The following STAB1 variants were observed in gnomAD, a reference collection of about 807,000 sequenced individuals.
The protein encoded by STAB1 is stabilin-1.
In STAB1, 250 loss-of-function variants were observed where a neutral mutation model predicts 332.4. The ratio of observed to expected loss-of-function variants is 0.75; its 90% CI spans 0.68 to 0.84. The LOEUF (loss-of-function observed/expected upper bound fraction) is 0.84, where lower values mean the gene tolerates loss of function less well. Ranked by LOEUF, STAB1 falls within the 40% of genes least tolerant of loss-of-function variation. The pLI is 0.00. For synonymous variants in STAB1, 1,475 were observed against 1,390.4 expected, an observed-to-expected ratio of 1.06 and a Z score of -1.35; for missense variants, 3,249 against 3,489.7, an observed-to-expected ratio of 0.93 and a Z score of 1.74.
intron 62 of STAB1, 24 bp downstream of exon 62, chr3:52,522,964 A>G (rs2079126788): frequency 6.2e-7 from 1 of 1,606,876 alleles, no homozygotes; most frequent in Non-Finnish European, 8.5e-7. Flanking sequence ...ACCAAACCCT[A>G]CTTCCCCTGC....
At chr3:52,510,969 G>C (rs943185248) in intron 25 of STAB1, among the ~76,000 whole-genome samples, 1 of 152,232 alleles carries the variant, frequency 6.6e-6, no homozygotes, top group Non-Finnish European at 1.5e-5. Context: ...GGCCAGGCCT[G>C]GCTGGTCAGG....
In STAB1 at chr3:52,523,248, C is replaced by T. The variant is rs778702977; in HGVS notation, c.7047C>T (p.Thr2349=). 1.8e-5 allele frequency: 29 copies of T among 1,613,190 alleles called. No homozygotes were observed. Among genetic ancestry groups the T allele is most frequent in the Non-Finnish European group, 2.3e-5 (27 of 1,180,010 alleles). The stretch of plus-strand genomic sequence containing the variant: ...TGCTATTGGGCTATGCCAATGCCAC[C>T]CAGCGGGGTCTCGACTTCCTGGACT... ...YGMLLGYANA[T]QRGLDFLDFL... is the part of the protein sequence containing the mutation. Residue 2349 remains threonine (T), a synonymous_variant, in exon 64 of 69, where the codon ACC becomes ACT. Coordinates refer to ENST00000321725, the MANE Select transcript of STAB1 (RefSeq NM_015136.3).
Position 52,521,387 on chromosome 3 carries a change from T to G in STAB1, c.5935T>G (p.Cys1979Gly), listed in dbSNP as rs1279332536. 1 of 1,613,922 alleles carries G rather than the reference T, an allele frequency of 6.2e-7. No homozygotes were observed. Reference protein sequence around the residue: ...QACPGGPSSPCSDRGVCMDGM... With the variant: ...QACPGGPSSPGSDRGVCMDGM... Reference sequence around the variant, plus strand: ...TTGCCCTGGCGGCCCCAGCAGCCCTTGTAGTGACCGTGGCGTGTGCATGGA... The same window carrying G: ...TTGCCCTGGCGGCCCCAGCAGCCCTGGTAGTGACCGTGGCGTGTGCATGGA... The change falls in exon 56 of 69, where the codon TGT becomes GGT. Residue 1979 changes from cysteine (C) to glycine (G), a missense_variant. By Grantham distance (159) the Cys-to-Gly change is radical (BLOSUM62 -3). Transcript: ENST00000321725.
chr3:52,519,779 A>T, intron 50 of STAB1, 165 bp from the exon 51 acceptor site: 1 of 1,128,068 alleles, frequency 8.9e-7, no homozygotes, highest in South Asian at 1.5e-5. Flanking sequence ...TCCTGACAGC[A>T]GTGTGCACAG....
Position 52,516,118 on chromosome 3 carries a change from G to A in STAB1, c.4024G>A (p.Gly1342Ser). 1 of 1,611,904 alleles carries A rather than the reference G, an allele frequency of 6.2e-7. No homozygotes were observed. Among genetic ancestry groups the A allele is most frequent in the South Asian group, 1.1e-5 (1 of 91,018 alleles). ...CPGGLGGVCSGHGQCQDRFLG... is the reference protein window; with the variant it reads ...CPGGLGGVCSSHGQCQDRFLG... ...AGGGGGTCTAGGGGGGGTGTGCTCA[G>A]GCCATGGGCAGTGCCAGGACAGGTT... The change falls in exon 38 of 69, where the codon GGC becomes AGC. Residue 1342 changes from glycine to serine, a missense_variant. Coordinates refer to ENST00000321725, the MANE Select transcript of STAB1 (RefSeq NM_015136.3).
In STAB1 at chr3:52,504,551, T is replaced by C; in HGVS notation, c.1239+2T>C. 1 of 1,613,942 alleles carries C rather than the reference T, an allele frequency of 6.2e-7. No homozygotes were observed. The highest frequency in any genetic ancestry group is 1.1e-5 in the South Asian group (1 of 91,088). On this transcript the variant is annotated splice_donor_variant, in intron 11 of 68. Transcript: ENST00000321725. LOFTEE classifies it high-confidence loss of function. ...TCCTTCTCCTCCAGGACCATGAATGTAAGCCCCTCCCCATGGTGGAGCTGG... is the reference window on the plus strand; with the variant it reads ...TCCTTCTCCTCCAGGACCATGAATGCAAGCCCCTCCCCATGGTGGAGCTGG...
rs1167171594 is a variant in STAB1 at position 52,501,669 on chromosome 3, T to C, written c.247T>C (p.Ser83Pro). ...YEVQLGGSMVSMSGCRRKCRK... is the reference protein window; with the variant it reads ...YEVQLGGSMVPMSGCRRKCRK... The stretch of plus-strand genomic sequence containing the variant: ...AGTACAGCTGGGGGGCTCTATGGTG[T>C]CCATGAGCGGCTGCAGACGGAAGTG... Residue 83 changes from serine to proline, a missense_variant, in exon 3 of 69, where the codon TCC becomes CCC. Transcript: ENST00000321725. 1.9e-6 allele frequency: 3 copies of C among 1,575,364 alleles called. No homozygotes were observed. The African/African-American group carries it at 4.1e-5, about 21-fold the overall frequency.
Position 52,513,324 on chromosome 3 carries a change from G to A in STAB1, c.3270+83G>A. On this transcript the variant is annotated intron_variant, in intron 30 of 68. Transcript: ENST00000321725. The stretch of plus-strand genomic sequence containing the variant: ...AGTGGCTGCAGGCTCTCCCACATCA[G>A]GGGCCCCATGGGATGAGATTGGGGT... 6 of 1,369,186 alleles carry A rather than the reference G, an allele frequency of 4.4e-6. No homozygotes were observed. The South Asian group carries it at 7.0e-5, about 16-fold the overall frequency. The allele number at this position is 1,369,186 out of a possible 1,614,324, so 84.8% of individuals were successfully genotyped here.
At chr3:52,500,181 G>A (rs551119527) in intron 1 of STAB1, among the ~76,000 whole-genome samples, 32 of 152,238 alleles carry the variant, frequency 2.1e-4, no homozygotes, top group Admixed American at 1.7e-3. Flanking sequence ...GCCTCCCCTC[G>A]GGCCACTGCC....
chr3:52,514,284 G>C (rs1031231623), intron 33 of STAB1, 71 bp downstream of exon 33: 1 of 1,596,582 alleles, frequency 6.3e-7, no homozygotes, highest in Non-Finnish European at 8.5e-7. Flanking sequence ...ATCCCACCAC[G>C]AAGGGACACA....
intron 30 of STAB1, 144 bp from the exon 31 acceptor site, chr3:52,513,573 C>T: frequency 2.4e-6 from 2 of 825,442 alleles, no homozygotes; most frequent in East Asian, 2.7e-5. Context: ...CTGGGAGGAG[C>T]TTCTGTGCAG....
chr3:52,524,389 G>A lies in STAB1; in HGVS notation c.*33G>A. The A allele has an allele frequency of 6.2e-7, 1 of 1,613,274 alleles. No homozygotes were observed. The highest frequency in any genetic ancestry group is 8.5e-7 in the Non-Finnish European group (1 of 1,179,808). On this transcript the variant is annotated 3_prime_UTR_variant, in exon 69 of 69. Coordinates refer to ENST00000321725, the MANE Select transcript of STAB1 (RefSeq NM_015136.3). Reference sequence around the variant, plus strand: ...GGGGCTGAAAGCAGAAGCATGCACAGGGAGGAGACCACTTTTATTGCTTGT... The same window carrying A: ...GGGGCTGAAAGCAGAAGCATGCACAAGGAGGAGACCACTTTTATTGCTTGT...
At position 52,504,061 on chromosome 3, in the gene STAB1, G is replaced by C; in HGVS notation, c.1056G>C (p.Gly352=). 6.3e-7 allele frequency: 1 copy of C among 1,589,454 alleles called. No homozygotes were observed. The highest frequency in any genetic ancestry group is 2.3e-5 in the East Asian group (1 of 43,648). The part of the protein sequence containing the change: ...CVCRESEVGD[G]RACYGHLLHE... ...GCAGGGAAAGCGAGGTGGGGGATGG[G>C]CGTGCCTGCTACGGACACCTGCTCC... Residue 352 remains glycine, a synonymous_variant, in exon 10 of 69, where the codon GGG becomes GGC. Transcript: ENST00000321725.
intron 22 of STAB1, 138 bp downstream of exon 22, chr3:52,509,459 A>C (rs569354783): frequency 4.0e-6 from 3 of 747,036 alleles, no homozygotes; most frequent in Non-Finnish European, 6.3e-6. Flanking sequence ...GATTTGCCTA[A>C]AAATGGGTCT....
rs980318641 is a variant in STAB1, at chr3:52,514,991, G to C, written c.3810G>C (p.Glu1270Asp). 1.2e-6 allele frequency: 2 copies of C among 1,613,540 alleles called. No homozygotes were observed. Among genetic ancestry groups the C allele is most frequent in the East Asian group, 2.2e-5 (1 of 44,892 alleles). The stretch of plus-strand genomic sequence containing the variant: ...TGCCCCACCCTTTTTCCCTCTAGGA[G>C]AAATGTGTAAACTGCACCAGGAGAT... Reference protein sequence around the residue: ...CLHSHAEALREKCVNCTRRFR... With the variant: ...CLHSHAEALRDKCVNCTRRFR... The change falls in exon 36 of 69, where the codon GAG becomes GAC. Residue 1270 changes from glutamate to aspartate, a missense_variant and splice_region_variant. Coordinates refer to ENST00000321725, the MANE Select transcript of STAB1 (RefSeq NM_015136.3).
Position 52,504,506 on chromosome 3 carries a change from T to A in STAB1, c.1196T>A (p.Val399Glu). Residue 399 changes from valine (V) to glutamate (E), a missense_variant, in exon 11 of 69, where the codon GTG becomes GAG. Val to Glu is a moderately radical substitution (Grantham distance 121, BLOSUM62 -2). Transcript: ENST00000321725. ...EILTTAGPFTVLVPSVSSFSS... is the reference protein window; with the variant it reads ...EILTTAGPFTELVPSVSSFSS... ...CTTACCACAGCGGGCCCTTTCACCG[T>A]GCTGGTGCCATCCGTCTCCTCCTTC... 6.2e-7 allele frequency: 1 copy of A among 1,614,098 alleles called. No homozygotes were observed. The highest frequency in any genetic ancestry group is 8.5e-7 in the Non-Finnish European group (1 of 1,180,016).
At chr3:52,522,000 C>T (rs2079089307) in intron 58 of STAB1, 37 bp from the exon 59 acceptor site, 1 of 1,609,758 alleles carries the variant, frequency 6.2e-7, no homozygotes, top group African/African-American at 1.3e-5. Context: ...CACTCCCCTG[C>T]AGTCACTAGG....
chr3:52,511,361 C>A (rs1709287396), intron 25 of STAB1, among the ~76,000 whole-genome samples: 1 of 152,194 alleles, frequency 6.6e-6, no homozygotes, highest in African/African-American at 2.4e-5. Flanking sequence ...CTGTTGGCCT[C>A]AATGGCCCTG....
rs530079025 is a variant in STAB1, at chr3:52,510,831, C to T, written c.2787+324C>T. Reference sequence around the variant, plus strand: ...CTTTAGCCTCATGGAAATCCAGCCCCGGAGCTTTGCAGTGTCTGAATCTAG... The same window carrying T: ...CTTTAGCCTCATGGAAATCCAGCCCTGGAGCTTTGCAGTGTCTGAATCTAG... On this transcript the variant is annotated intron_variant, in intron 25 of 68. Transcript: ENST00000321725. Among the ~76,000 whole-genome samples the T allele has an allele frequency of 5.9e-5, 9 of 152,352 alleles. No homozygotes were observed. In the South Asian group the frequency reaches 8.3e-4, roughly 14 times the overall value.
Sources: allele counts gnomAD v4.1 joint callset (sites outside exome capture counted in the v4.1 genomes callset), GRCh38; gene constraint gnomAD v4.1.1; transcripts MANE v1.5; gene names NCBI Gene and HGNC (gene_info 2026-07-23, HGNC 2026-07-21).